LRRTM4: variants seen among roughly 807,000 people sequenced by gnomAD.
The protein encoded by LRRTM4 is leucine-rich repeat transmembrane neuronal protein 4.
In LRRTM4, 25 loss-of-function variants were observed where a neutral mutation model predicts 47.6. That is an observed-to-expected ratio of 0.53 (90% CI 0.38 to 0.73). The LOEUF (loss-of-function observed/expected upper bound fraction) is 0.73. Among genes scored for constraint, LRRTM4 ranks in the 30% least tolerant of loss-of-function variants. The probability of loss-of-function intolerance (pLI) is 0.00; values close to 1 mark genes in which losing one functional copy is unlikely to be tolerated. For synonymous variants in LRRTM4, 311 were observed against 269.5 expected, an observed-to-expected ratio of 1.15 and a Z score of -1.51; for missense variants, 638 against 713.4, an observed-to-expected ratio of 0.89 and a Z score of 1.20.
intron 3 of LRRTM4, among the ~76,000 whole-genome samples, chr2:77,465,983 C>T (rs1048045910): frequency 1.3e-5 from 2 of 151,378 alleles, no homozygotes; most frequent in African/African-American, 4.8e-5. Context: ...TTCTGTTTTG[C>T]TTAGCGATTA....
At chr2:77,261,648 G>T (rs1017984197) in intron 3 of LRRTM4, among the ~76,000 whole-genome samples, 11 of 152,004 alleles carry the variant, frequency 7.2e-5, no homozygotes, top group African/African-American at 2.7e-4. Context: ...GGATCTAACA[G>T]GATGCCTAAC....
chr2:76,895,442 G>T (rs1308678913), intron 3 of LRRTM4, among the ~76,000 whole-genome samples: 3 of 152,006 alleles, frequency 2.0e-5, no homozygotes, highest in Non-Finnish European at 2.9e-5. Context: ...AACAAAGGTA[G>T]GCTTATATGA....
intron 3 of LRRTM4, among the ~76,000 whole-genome samples, chr2:76,897,147 T>C (rs1673443484): frequency 6.6e-6 from 1 of 152,124 alleles, no homozygotes; most frequent in South Asian, 2.1e-4. Context: ...TCTGAGAACT[T>C]GTGATGACAA....
intron 3 of LRRTM4, among the ~76,000 whole-genome samples, chr2:77,045,491 G>GT (rs1263199474): frequency 6.6e-6 from 1 of 151,892 alleles, no homozygotes; most frequent in African/African-American, 2.4e-5. Flanking sequence ...GTTAGGCTGT[G>GT]TCCCCACCCA....
At chr2:77,510,058 A>G (rs1678924288) in intron 3 of LRRTM4, among the ~76,000 whole-genome samples, 1 of 152,094 alleles carries the variant, frequency 6.6e-6, no homozygotes, top group Non-Finnish European at 1.5e-5. Context: ...AACCTAATTA[A>G]TGTGTATTTA....
chr2:77,502,981 G>A lies in LRRTM4; in HGVS notation c.1551+15337C>T, dbSNP rs562642658. Among the ~76,000 whole-genome samples the A allele has an allele frequency of 1.1e-4, 16 of 151,298 alleles. No homozygotes were observed. In the South Asian group the frequency reaches 2.9e-3, roughly 28 times the overall value. ...CCGAGAGTAGAGTCATCCATGAATG[G>A]AGATTGTAGAGCAAAGAGAGTGTAA... On this transcript the variant is annotated intron_variant, in intron 3 of 3. Coordinates refer to ENST00000409884, the MANE Select transcript of LRRTM4 (RefSeq NM_001134745.3).
intron 3 of LRRTM4, among the ~76,000 whole-genome samples, chr2:76,750,090 G>A (rs530631473): frequency 6.6e-6 from 1 of 152,206 alleles, no homozygotes; most frequent in African/African-American, 2.4e-5. Context: ...GCAGGGAGAG[G>A]GAATTGCTCC....
chr2:76,956,609 C>T (rs1675683256), intron 3 of LRRTM4, among the ~76,000 whole-genome samples: 1 of 150,058 alleles, frequency 6.7e-6, no homozygotes, highest in South Asian at 2.1e-4. Flanking sequence ...ATAATAAACA[C>T]TTGATAAGAA....
At chr2:77,048,643 A>G (rs2103763039) in intron 3 of LRRTM4, among the ~76,000 whole-genome samples, 1 of 152,134 alleles carries the variant, frequency 6.6e-6, no homozygotes, top group South Asian at 2.1e-4. Flanking sequence ...TATTTTTAAT[A>G]CATACACGAT....
chr2:77,186,990 C>T (rs762688296), intron 3 of LRRTM4, among the ~76,000 whole-genome samples: 1 of 152,236 alleles, frequency 6.6e-6, no homozygotes, highest in Admixed American at 6.6e-5. Flanking sequence ...TTTTGGTGCC[C>T]TAGGACATGG....
intron 3 of LRRTM4, among the ~76,000 whole-genome samples, chr2:76,840,596 TAAAA>T: frequency 6.6e-6 from 1 of 151,638 alleles, no homozygotes. Flanking sequence ...CAAAAAGACT[TAAAA>T]AAAGAAAAAA....
At chr2:76,784,450 A>C (rs960501779) in intron 3 of LRRTM4, among the ~76,000 whole-genome samples, 6 of 152,094 alleles carry the variant, frequency 3.9e-5, no homozygotes, top group Admixed American at 1.3e-4. Flanking sequence ...GTACATGTCT[A>C]CATATACATA....
chr2:77,191,486 G>A (rs1673668373), intron 3 of LRRTM4, among the ~76,000 whole-genome samples: 1 of 151,654 alleles, frequency 6.6e-6, no homozygotes, highest in Non-Finnish European at 1.5e-5. Context: ...AGTGTAATTT[G>A]AAATTAATTA....
intron 3 of LRRTM4, among the ~76,000 whole-genome samples, chr2:77,061,745 A>T (rs1343129166): frequency 6.6e-6 from 1 of 152,196 alleles, no homozygotes; most frequent in African/African-American, 2.4e-5. Context: ...CATCCATTAA[A>T]TTCTATGAAA....
At chr2:76,793,582 T>G (rs1296462555) in intron 3 of LRRTM4, among the ~76,000 whole-genome samples, 2 of 130,904 alleles carry the variant, frequency 1.5e-5, no homozygotes, top group African/African-American at 6.0e-5. Context: ...TGTAGAACTT[T>G]CTCCTCTTCA....
intron 3 of LRRTM4, among the ~76,000 whole-genome samples, chr2:76,781,627 C>G (rs528251903): frequency 6.6e-6 from 1 of 152,244 alleles, no homozygotes; most frequent in Non-Finnish European, 1.5e-5. Flanking sequence ...GCATGGTGCG[C>G]GCACCCACTG....
At chr2:76,779,942 T>G (rs942622538) in intron 3 of LRRTM4, among the ~76,000 whole-genome samples, 1 of 151,960 alleles carries the variant, frequency 6.6e-6, no homozygotes, top group African/African-American at 2.4e-5. Flanking sequence ...CAGGAGCTCT[T>G]GTAAGGCAGG....
At chr2:76,972,358 T>TCA (rs949440457) in intron 3 of LRRTM4, among the ~76,000 whole-genome samples, 1 of 151,644 alleles carries the variant, frequency 6.6e-6, no homozygotes, top group African/African-American at 2.4e-5. Flanking sequence ...AAGTCACCTG[T>TCA]CACTCTCTGC....
chr2:76,821,138 G>A (rs1257740731), intron 3 of LRRTM4, among the ~76,000 whole-genome samples: 3 of 151,456 alleles, frequency 2.0e-5, no homozygotes, highest in Non-Finnish European at 4.4e-5. Context: ...CTGTGACCAG[G>A]TTAAGAAAAA....
Sources: gnomAD v4.1 joint callset for allele counts (sites outside exome capture counted in the v4.1 genomes callset) on GRCh38, gnomAD v4.1.1 for gene constraint, MANE v1.5 for transcripts, NCBI Gene and HGNC (gene_info 2026-07-23, HGNC 2026-07-21) for gene names.